FAT3: variants seen among roughly 807,000 people sequenced by gnomAD.
The protein encoded by FAT3 is FAT atypical cadherin 3.
In FAT3, 95 loss-of-function variants were observed where a neutral mutation model predicts 310.2. The ratio of observed to expected loss-of-function variants is 0.31; its 90% CI spans 0.26 to 0.36. FAT3 has a LOEUF of 0.36. Ranked by LOEUF, FAT3 falls within the 10% of genes least tolerant of loss-of-function variation. The pLI, the probability that FAT3 is intolerant of heterozygous loss-of-function variation, is 1.00. For synonymous variants in FAT3, 2,314 were observed against 2,192.9 expected (o/e 1.06, Z -1.54); for missense variants, 5,408 against 5,715.6 (o/e 0.95, Z 1.74).
chr11:92,666,897 T>G (rs796854147), intron 3 of FAT3, among the ~76,000 whole-genome samples: 1 of 152,126 alleles, frequency 6.6e-6, no homozygotes, highest in Admixed American at 6.5e-5. Flanking sequence ...CACACTCCAT[T>G]GGTTGGAGTC....
intron 6 of FAT3, among the ~76,000 whole-genome samples, chr11:92,767,229 G>C (rs1264741496): frequency 6.8e-6 from 1 of 147,458 alleles, no homozygotes; most frequent in Non-Finnish European, 1.5e-5. Context: ...AGCAGCCTGG[G>C]CAACAGAGCA....
chr11:92,414,763 C>A (rs569603363), intron 2 of FAT3, among the ~76,000 whole-genome samples: 2 of 152,288 alleles, frequency 1.3e-5, no homozygotes, highest in Non-Finnish European at 2.9e-5. Flanking sequence ...GTAATCCCAG[C>A]ACTTTGGGAG....
At chr11:92,492,992 T>G (rs2135243000) in intron 2 of FAT3, among the ~76,000 whole-genome samples, 1 of 152,172 alleles carries the variant, frequency 6.6e-6, no homozygotes, top group South Asian at 2.1e-4. Context: ...TTTCTTTACA[T>G]TTTCTACAAT....
intron 4 of FAT3, among the ~76,000 whole-genome samples, chr11:92,759,968 G>T (rs1946102339): frequency 6.6e-6 from 1 of 152,102 alleles, no homozygotes; most frequent in Non-Finnish European, 1.5e-5. Flanking sequence ...AAGCAGAAAA[G>T]AGAGGCAGAG....
At chr11:92,583,210 GA>G (rs1169916693) in intron 3 of FAT3, among the ~76,000 whole-genome samples, 1 of 152,006 alleles carries the variant, frequency 6.6e-6, no homozygotes, top group Non-Finnish European at 1.5e-5. Context: ...CCCATTAAGG[GA>G]GGGGACTTGG....
chr11:92,825,441 G>T (rs1948078032), intron 13 of FAT3, among the ~76,000 whole-genome samples: 2 of 152,188 alleles, frequency 1.3e-5, no homozygotes, highest in Admixed American at 6.5e-5. Flanking sequence ...AATAACTGAG[G>T]AAATTAAGGA....
intron 1 of FAT3, among the ~76,000 whole-genome samples, chr11:92,229,019 C>G (rs1360127396): frequency 1.3e-5 from 2 of 152,128 alleles, no homozygotes; most frequent in African/African-American, 4.8e-5. Context: ...TTGTGGCAAA[C>G]ATTAGAATTG....
At position 92,801,110 on chromosome 11, in the gene FAT3, G is replaced by A. The variant is rs751751708; in HGVS notation, c.8097G>A (p.Leu2699=). 11 of 1,613,890 alleles carry A rather than the reference G, an allele frequency of 6.8e-6. 2 individuals carry two copies. In the South Asian group the frequency reaches 1.1e-4, roughly 16 times the overall value. ...HSLIPVYIHV[L]PPETFLPSFT... ...TCATTCCTGTCTATATCCACGTCTTGCCCCCTGAAACGTTCTTGCCATCAT... is the reference window on the plus strand; with the variant it reads ...TCATTCCTGTCTATATCCACGTCTTACCCCCTGAAACGTTCTTGCCATCAT... The change falls in exon 10 of 28, where the codon TTG becomes TTA. Residue 2699 remains leucine (L), a synonymous_variant. Transcript: ENST00000525166.
At chr11:92,667,292 C>T (rs936165647) in intron 3 of FAT3, among the ~76,000 whole-genome samples, 16 of 152,100 alleles carry the variant, frequency 1.1e-4, no homozygotes, top group African/African-American at 3.1e-4. Context: ...AAAGATGTGT[C>T]GTGTGGAGTT....
chr11:92,321,554 C>T (rs992233675), intron 1 of FAT3, among the ~76,000 whole-genome samples: 1 of 151,938 alleles, frequency 6.6e-6, no homozygotes, highest in African/African-American at 2.4e-5. Context: ...AAAAAATTTA[C>T]TGGTCCTGAA....
At position 92,674,182 on chromosome 11, in the gene FAT3, AAATAAT is replaced by A. The variant is rs550101493; in HGVS notation, c.3608-23169_3608-23164del. 8.4e-3 allele frequency among the ~76,000 whole-genome samples: 1,184 copies of A among 140,936 alleles called. 7 individuals carry two copies. Among genetic ancestry groups the A allele is most frequent in the African/African-American group, 0.011 (406 of 37,726 alleles). 92.5% of individuals were successfully genotyped at this position (140,936 alleles called of 152,430 possible). On this transcript the variant is annotated intron_variant, in intron 3 of 27. Transcript: ENST00000525166. ...GTTGACAGAGTGAGACTCCATCTCA[AAATAAT>A]AATAATAATAATAATAATAATAATA...
intron 1 of FAT3, among the ~76,000 whole-genome samples, chr11:92,280,749 C>A (rs1181899654): frequency 6.6e-6 from 1 of 152,154 alleles, no homozygotes; most frequent in Non-Finnish European, 1.5e-5. Context: ...TTAGGCCACT[C>A]CCTCACCCAG....
chr11:92,563,308 T>C (rs1474510230), intron 3 of FAT3, among the ~76,000 whole-genome samples: 1 of 152,212 alleles, frequency 6.6e-6, no homozygotes, highest in Admixed American at 6.5e-5. Flanking sequence ...GGAGGGACTG[T>C]AAGTAATGCT....
chr11:92,553,092 T>C (rs1181876942), intron 3 of FAT3, among the ~76,000 whole-genome samples: 3 of 152,214 alleles, frequency 2.0e-5, no homozygotes, highest in Admixed American at 6.5e-5. Context: ...TTTCAGCTTC[T>C]TCTCATTCCT....
At chr11:92,638,987 C>G (rs182035932) in intron 3 of FAT3, among the ~76,000 whole-genome samples, 5 of 152,184 alleles carry the variant, frequency 3.3e-5, no homozygotes, top group African/African-American at 1.2e-4. Context: ...CAAGCATAAT[C>G]AGCCCATTTT....
chr11:92,763,731 T>A (rs1946223077), intron 5 of FAT3, among the ~76,000 whole-genome samples: 1 of 152,112 alleles, frequency 6.6e-6, no homozygotes, highest in Non-Finnish European at 1.5e-5. Context: ...CAGGACCACA[T>A]CCTGGTTTAA....
chr11:92,583,707 C>T (rs1437284544), intron 3 of FAT3, among the ~76,000 whole-genome samples: 1 of 151,978 alleles, frequency 6.6e-6, no homozygotes, highest in Non-Finnish European at 1.5e-5. Context: ...GACACACCCC[C>T]ATTGTCACTA....
chr11:92,376,995 C>A (rs577535742), intron 2 of FAT3, among the ~76,000 whole-genome samples: 99 of 152,250 alleles, frequency 6.5e-4, no homozygotes, highest in African/African-American at 2.2e-3. Context: ...AGTGTAAATT[C>A]TCTTCAATAG....
intron 2 of FAT3, among the ~76,000 whole-genome samples, chr11:92,439,985 C>T (rs1319710757): frequency 1.4e-4 from 21 of 151,736 alleles, no homozygotes; most frequent in Non-Finnish European, 2.9e-4. Flanking sequence ...AAAGTGAAGC[C>T]TGCTATTAAA....
Sources: allele counts gnomAD v4.1 joint callset (sites outside exome capture counted in the v4.1 genomes callset), GRCh38; gene constraint gnomAD v4.1.1; transcripts MANE v1.5; gene names NCBI Gene and HGNC (gene_info 2026-07-23, HGNC 2026-07-21).